The following OSBPL6 variants were observed in gnomAD, a reference collection of about 807,000 sequenced individuals.
The protein encoded by OSBPL6 is oxysterol binding protein like 6, also known as oxysterol-binding protein-related protein 6.
OSBPL6 carries 49 observed loss-of-function variants against 125.8 expected under a neutral mutation model. The observed-to-expected ratio is 0.39, with a 90% CI of 0.31 to 0.49. The LOEUF (loss-of-function observed/expected upper bound fraction) is 0.49. OSBPL6 is among the 20% of genes least tolerant of loss of function. The pLI is 0.88. For missense variants in OSBPL6, 986 were observed against 1,135.4 expected, an observed-to-expected ratio of 0.87 and a Z score of 1.89; for synonymous variants, 394 against 391.8, an observed-to-expected ratio of 1.01 and a Z score of -0.07.
At chr2:178,246,643 C>A (rs2091500482) in intron 1 of OSBPL6, among the ~76,000 whole-genome samples, 1 of 152,176 alleles carries the variant, frequency 6.6e-6, no homozygotes, top group Non-Finnish European at 1.5e-5. Flanking sequence ...TTAATGGAAT[C>A]ATTCTCCAGT....
chr2:178,331,577 TGTTAAA>T lies in OSBPL6; in HGVS notation c.347_352del (p.Leu116_Lys117del). 6.2e-7 allele frequency: 1 copy of T among 1,614,158 alleles called. No individual in the cohort carries two copies. The highest frequency in any genetic ancestry group is 8.5e-7 in the Non-Finnish European group (1 of 1,179,992). The stretch of plus-strand genomic sequence containing the variant: ...CGTTTTTTTGTCCTGGATAATGGAA[TGTTAAA>T]GTATTCAAAGGCACCACTCGATGTA... On this transcript the variant is annotated inframe_deletion, in exon 6 of 25. Transcript: ENST00000190611.
At chr2:178,211,019 C>T (rs147353841) in intron 1 of OSBPL6, among the ~76,000 whole-genome samples, 2 of 152,178 alleles carry the variant, frequency 1.3e-5, no homozygotes, top group South Asian at 2.1e-4. Flanking sequence ...CAGTGGTTCA[C>T]GTCTGTAATT....
rs6758125 is a variant in OSBPL6, at chr2:178,321,739, T to G, written c.103-2438T>G. On this transcript the variant is annotated intron_variant, in intron 3 of 24. Transcript: ENST00000190611. Reference sequence around the variant, plus strand: ...GTCCTTTAACTTTTTCAGTAACAAATACATACATTAGTGATAATAAAAATA... The same window carrying G: ...GTCCTTTAACTTTTTCAGTAACAAAGACATACATTAGTGATAATAAAAATA... Among the ~76,000 whole-genome samples, 396 of 152,302 alleles carry G rather than the reference T, an allele frequency of 2.6e-3. 2 individuals carry two copies. The highest frequency in any genetic ancestry group is 0.01 in the Middle Eastern group (3 of 294).
intron 1 of OSBPL6, among the ~76,000 whole-genome samples, chr2:178,250,770 T>TA (rs1475690418): frequency 6.6e-6 from 1 of 152,122 alleles, no homozygotes; most frequent in Non-Finnish European, 1.5e-5. Flanking sequence ...GACTTCCCTT[T>TA]GTATTCTCAC....
At chr2:178,362,852 G>A (rs1266132822) in intron 13 of OSBPL6, among the ~76,000 whole-genome samples, 1 of 152,112 alleles carries the variant, frequency 6.6e-6, no homozygotes, top group Non-Finnish European at 1.5e-5. Flanking sequence ...TAAAGCCAGG[G>A]GTCTCAGGAG....
Position 178,394,415 on chromosome 2 carries a change from A to T in OSBPL6, c.2676A>T (p.Glu892Asp). ...GATATATGGAAGAAAACAATCTTGA[A>T]CATATACCAAAATTTTTTAAGTAAG... ...RRRYMEENNL[E>D]HIPKFFKKVI... The change falls in exon 24 of 25, where the codon GAA becomes GAT. Residue 892 changes from glutamate to aspartate, a missense_variant. By Grantham distance (45) the Glu-to-Asp change is conservative. Transcript: ENST00000190611. The T allele has an allele frequency of 1.2e-6, 2 of 1,609,032 alleles. No homozygotes were observed. Among genetic ancestry groups the T allele is most frequent in the South Asian group, 1.1e-5 (1 of 89,646 alleles).
At chr2:178,294,027 GGA>G (rs1289875770) in intron 2 of OSBPL6, among the ~76,000 whole-genome samples, 1 of 151,994 alleles carries the variant, frequency 6.6e-6, no homozygotes, top group Non-Finnish European at 1.5e-5. Flanking sequence ...TTAGGATCTA[GGA>G]CTTGACAGTG....
At chr2:178,299,294 T>A (rs1363049793) in intron 2 of OSBPL6, among the ~76,000 whole-genome samples, 3 of 152,238 alleles carry the variant, frequency 2.0e-5, no homozygotes, top group Non-Finnish European at 2.9e-5. Flanking sequence ...CTGAATAATA[T>A]TCTTACTGAT....
At chr2:178,323,956 G>A (rs941152873) in intron 3 of OSBPL6, among the ~76,000 whole-genome samples, 1 of 152,106 alleles carries the variant, frequency 6.6e-6, no homozygotes, top group Non-Finnish European at 1.5e-5. Context: ...GACTGAAACC[G>A]GCACTGCAGC....
chr2:178,292,504 C>G (rs1289023372), intron 2 of OSBPL6, among the ~76,000 whole-genome samples: 9 of 152,144 alleles, frequency 5.9e-5, no homozygotes, highest in African/African-American at 2.2e-4. Context: ...CTGTATATGG[C>G]TGGTGCTAGT....
intron 1 of OSBPL6, among the ~76,000 whole-genome samples, chr2:178,284,540 G>A (rs1049674512): frequency 6.6e-6 from 1 of 152,184 alleles, no homozygotes; most frequent in Non-Finnish European, 1.5e-5. Flanking sequence ...GCATTGCAGC[G>A]AGACTCTGTC....
intron 1 of OSBPL6, among the ~76,000 whole-genome samples, chr2:178,230,894 T>C (rs555877124): frequency 1.6e-3 from 237 of 152,330 alleles, no homozygotes; most frequent in African/African-American, 5.4e-3. Context: ...GCTTTCACTT[T>C]CTGATTTATA....
intron 1 of OSBPL6, among the ~76,000 whole-genome samples, chr2:178,235,813 T>C (rs1178982866): frequency 6.6e-6 from 1 of 152,220 alleles, no homozygotes; most frequent in East Asian, 1.9e-4. Context: ...CTTTTTAAAA[T>C]TTTCAAGTAT....
chr2:178,210,087 T>A (rs141860312), intron 1 of OSBPL6, among the ~76,000 whole-genome samples: 3,398 of 151,586 alleles, frequency 0.022, 57 homozygotes, highest in Non-Finnish European at 0.036. Flanking sequence ...TGGCATGATC[T>A]TGGCTCACTG....
intron 1 of OSBPL6, among the ~76,000 whole-genome samples, chr2:178,248,013 T>A (rs1396368135): frequency 6.6e-6 from 1 of 152,166 alleles, no homozygotes; most frequent in African/African-American, 2.4e-5. Context: ...TTGGGAAGGA[T>A]GTATAAAGAG....
intron 1 of OSBPL6, among the ~76,000 whole-genome samples, chr2:178,230,124 A>C (rs1227451749): frequency 6.6e-6 from 1 of 152,166 alleles, no homozygotes; most frequent in Non-Finnish European, 1.5e-5. Context: ...GACAGATTGG[A>C]CAAGCAGTTT....
chr2:178,296,880 G>A (rs1041186148), intron 2 of OSBPL6, among the ~76,000 whole-genome samples: 1 of 152,162 alleles, frequency 6.6e-6, no homozygotes, highest in African/African-American at 2.4e-5. Context: ...TGCCCAACAC[G>A]AGTAGAATTT....
chr2:178,239,257 G>A (rs565587527), intron 1 of OSBPL6, among the ~76,000 whole-genome samples: 30 of 152,298 alleles, frequency 2.0e-4, no homozygotes, highest in African/African-American at 6.5e-4. Flanking sequence ...ATTTTACAAA[G>A]ATGAGGGAAG....
Position 178,402,299 on chromosome 2 carries a change from T to A in OSBPL6, c.*6740T>A, listed in dbSNP as rs1179745222. On this transcript the variant is annotated 3_prime_UTR_variant, in exon 25 of 25. Transcript: ENST00000190611. ...CTAAACCGGAGAACGTAAAAATACA[T>A]TCCTAGAGGCAATCTAACCAGCCAG... 1 of 152,174 alleles carries A rather than the reference T, an allele frequency of 6.6e-6. No homozygotes were observed. Among genetic ancestry groups the A allele is most frequent in the Non-Finnish European group, 1.5e-5 (1 of 68,056 alleles). 9.4% of individuals were successfully genotyped at this position (152,174 alleles called of 1,614,324 possible). A position where few individuals can be genotyped will look rare whatever the true frequency, so the allele number is the denominator to read the frequency against.
Sources: gnomAD v4.1 joint callset for allele counts (sites outside exome capture counted in the v4.1 genomes callset) on GRCh38, gnomAD v4.1.1 for gene constraint, MANE v1.5 for transcripts, NCBI Gene and HGNC (gene_info 2026-07-23, HGNC 2026-07-21) for gene names.